Variants in MSRA observed in about 807,000 individuals in gnomAD.
MSRA encodes mitochondrial peptide methionine sulfoxide reductase.
In MSRA, 54 loss-of-function variants were observed where a neutral mutation model predicts 31.3. The observed-to-expected ratio is 1.73, with a 90% CI of 1.39 to 2.17. MSRA has a LOEUF of 2.17. Among genes scored for constraint, MSRA ranks in the 30% most tolerant of loss-of-function variants. The pLI, the probability that MSRA is intolerant of heterozygous loss-of-function variation, is 0.00. For synonymous variants in MSRA, 169 were observed against 116.5 expected (o/e 1.45, Z -2.90); for missense variants, 507 against 300.9 (o/e 1.69, Z -5.07).
At chr8:10,297,206 C>T (rs1800592426) in intron 3 of MSRA, among the ~76,000 whole-genome samples, 1 of 152,068 alleles carries the variant, frequency 6.6e-6, no homozygotes, top group Non-Finnish European at 1.5e-5. Flanking sequence ...GGATTGGATG[C>T]TTCGTCTAAT....
At chr8:10,415,132 T>C (rs1808379573) in intron 5 of MSRA, among the ~76,000 whole-genome samples, 1 of 152,174 alleles carries the variant, frequency 6.6e-6, no homozygotes, top group Non-Finnish European at 1.5e-5. Context: ...ACATTTCAAC[T>C]ATAGGACCCT....
At chr8:10,386,520 G>A (rs1294331188) in intron 5 of MSRA, among the ~76,000 whole-genome samples, 2 of 152,188 alleles carry the variant, frequency 1.3e-5, no homozygotes, top group African/African-American at 4.8e-5. Flanking sequence ...TCAAATCTGT[G>A]TTTGTAAAGG....
In MSRA at chr8:10,325,498, T is replaced by C. The variant is rs903841802; in HGVS notation, c.543+5509T>C. On this transcript the variant is annotated intron_variant, in intron 5 of 5. Coordinates refer to ENST00000317173, the MANE Select transcript of MSRA (RefSeq NM_012331.5). ...GTACATATATTTGTTTAGCTGTAGATGTGTATCTCTCTATGTCTTTATATA... is the reference window on the plus strand; with the variant it reads ...GTACATATATTTGTTTAGCTGTAGACGTGTATCTCTCTATGTCTTTATATA... 2.6e-5 allele frequency among the ~76,000 whole-genome samples: 4 copies of C among 152,104 alleles called. No homozygotes were observed. In the East Asian group the frequency reaches 5.8e-4, roughly 22 times the overall value.
chr8:10,331,647 C>T (rs1473938759), intron 5 of MSRA, among the ~76,000 whole-genome samples: 21 of 152,156 alleles, frequency 1.4e-4, no homozygotes, highest in Admixed American at 1.3e-3. Flanking sequence ...AGGCATTTTA[C>T]GAATACAGTC....
intron 1 of MSRA, among the ~76,000 whole-genome samples, chr8:10,118,299 G>A (rs928464789): frequency 1.3e-5 from 2 of 152,136 alleles, no homozygotes; most frequent in African/African-American, 4.8e-5. Flanking sequence ...ACAAACATAG[G>A]CTGAGTGTTA....
At chr8:10,418,815 T>TAAAAAAAAAAAAAAAAAAAAAAA (rs71203323) in intron 5 of MSRA, among the ~76,000 whole-genome samples, 13 of 66,034 alleles carry the variant, frequency 2.0e-4, no homozygotes, top group East Asian at 5.9e-4. Context: ...TTACTACGAC[T>TAAAAAAAAAAAAAAAAAAAAAAA]AAAAAAAAAA....
chr8:10,292,422 T>TG (rs1370611979), intron 3 of MSRA, among the ~76,000 whole-genome samples: 3 of 152,210 alleles, frequency 2.0e-5, no homozygotes, highest in Non-Finnish European at 2.9e-5. Context: ...TTGCACCGCA[T>TG]GGGACTGATC....
rs534642712 is a variant in MSRA, at chr8:10,074,058, C to CTTTTTTTTTTTTTTTTTTTTTTTTTT, written c.142+19415_142+19440dup. On this transcript the variant is annotated intron_variant, in intron 1 of 5. Coordinates refer to ENST00000317173, the MANE Select transcript of MSRA (RefSeq NM_012331.5). ...CATTTTGTTTTGTCTAAGGGAGGTG[C>CTTTTTTTTTTTTTTTTTTTTTTTTTT]TTTTTTTTTTTTTTTTTTTTTTTTT... 1.0e-4 allele frequency among the ~76,000 whole-genome samples: 3 copies of CTTTTTTTTTTTTTTTTTTTTTTTTTT among 29,456 alleles called. 1 individual carries two copies. Among genetic ancestry groups the CTTTTTTTTTTTTTTTTTTTTTTTTTT allele is most frequent in the African/African-American group, 3.6e-4 (3 of 8,282 alleles). 19.3% of individuals were successfully genotyped at this position (29,456 alleles called of 152,430 possible). A position where few individuals can be genotyped will look rare whatever the true frequency, so the allele number is the denominator to read the frequency against.
At chr8:10,347,195 C>G (rs190628618) in intron 5 of MSRA, among the ~76,000 whole-genome samples, 6 of 152,202 alleles carry the variant, frequency 3.9e-5, no homozygotes, top group Non-Finnish European at 5.9e-5. Context: ...CTTCCCTAGT[C>G]CCTTGCACCG....
At chr8:10,065,953 C>G (rs1160250675) in intron 1 of MSRA, among the ~76,000 whole-genome samples, 3 of 150,858 alleles carry the variant, frequency 2.0e-5, no homozygotes, top group African/African-American at 7.3e-5. Context: ...GCTTCAGGGC[C>G]TTTATGGCTG....
At chr8:10,262,061 G>A (rs992955732) in intron 3 of MSRA, among the ~76,000 whole-genome samples, 1 of 152,134 alleles carries the variant, frequency 6.6e-6, no homozygotes, top group African/African-American at 2.4e-5. Context: ...GATGGCTTAT[G>A]TCTTTTTATC....
chr8:10,354,989 G>A (rs1804424633), intron 5 of MSRA, among the ~76,000 whole-genome samples: 1 of 152,114 alleles, frequency 6.6e-6, no homozygotes, highest in Non-Finnish European at 1.5e-5. Context: ...TCCCAGAAGA[G>A]GAATGGCTAC....
chr8:10,182,965 C>A (rs1806676469), intron 1 of MSRA, among the ~76,000 whole-genome samples: 1 of 152,182 alleles, frequency 6.6e-6, no homozygotes, highest in Admixed American at 6.5e-5. Flanking sequence ...ATCAGCATGC[C>A]TTTGAAGCAG....
intron 5 of MSRA, chr8:10,337,594 T>A: frequency 1.5e-6 from 1 of 652,750 alleles, no homozygotes. Context: ...TCTCTGTCTC[T>A]GGAAGTTGGT....
At chr8:10,365,633 T>C (rs774405901) in intron 5 of MSRA, among the ~76,000 whole-genome samples, 4 of 152,216 alleles carry the variant, frequency 2.6e-5, no homozygotes, top group Non-Finnish European at 5.9e-5. Flanking sequence ...GAACTACTTA[T>C]AGACTGAGAA....
chr8:10,057,567 C>G, intron 1 of MSRA, among the ~76,000 whole-genome samples: 1 of 152,110 alleles, frequency 6.6e-6, no homozygotes, highest in Non-Finnish European at 1.5e-5. Flanking sequence ...ACGTAAATCT[C>G]ATTTCGAATT....
In MSRA at chr8:10,322,211, G is replaced by C. The variant is rs111821951; in HGVS notation, c.543+2222G>C. ...CTCAAGCAGACCTATGAGGATGAGG[G>C]AGACCCCATTATCCCCATTTTCCAG... On this transcript the variant is annotated intron_variant, in intron 5 of 5. Coordinates refer to ENST00000317173, the MANE Select transcript of MSRA (RefSeq NM_012331.5). 4.1e-4 allele frequency among the ~76,000 whole-genome samples: 59 copies of C among 143,600 alleles called. 2 individuals are homozygous for C. Among genetic ancestry groups the C allele is most frequent in the African/African-American group, 1.5e-3 (58 of 38,490 alleles). 94.2% of individuals were successfully genotyped at this position (143,600 alleles called of 152,430 possible).
chr8:10,248,248 T>C (rs1018478128), intron 3 of MSRA, among the ~76,000 whole-genome samples: 1 of 152,226 alleles, frequency 6.6e-6, no homozygotes, highest in Non-Finnish European at 1.5e-5. Context: ...ATTTTTACTT[T>C]TATTTTGTCA....
At chr8:10,216,063 A>G (rs968969076) in intron 2 of MSRA, among the ~76,000 whole-genome samples, 1 of 152,208 alleles carries the variant, frequency 6.6e-6, no homozygotes, top group Non-Finnish European at 1.5e-5. Context: ...TAACCCAACT[A>G]GCATTTTTAA....
Sources: allele counts gnomAD v4.1 joint callset (sites outside exome capture counted in the v4.1 genomes callset), GRCh38; gene constraint gnomAD v4.1.1; transcripts MANE v1.5; gene names NCBI Gene and HGNC (gene_info 2026-07-23, HGNC 2026-07-21).